KDR: variants seen among roughly 807,000 people sequenced by gnomAD.
KDR encodes the protein vascular endothelial growth factor receptor 2.
KDR carries 43 observed loss-of-function variants against 160.9 expected under a neutral mutation model. The ratio of observed to expected loss-of-function variants is 0.27; its 90% confidence interval spans 0.21 to 0.34. KDR has a LOEUF of 0.34. Ranked by LOEUF, KDR falls within the 10% of genes least tolerant of loss-of-function variation. The pLI, the probability that KDR is intolerant of heterozygous loss-of-function variation, is 1.00. For missense variants in KDR, 1,469 were observed against 1,666.4 expected, an observed-to-expected ratio of 0.88 and a Z score of 2.06; for synonymous variants, 617 against 600.1, an observed-to-expected ratio of 1.03 and a Z score of -0.41.
Position 55,113,403 on chromosome 4 carries a change from T to A in KDR, c.877A>T (p.Thr293Ser), listed in dbSNP as rs548382655. Residue 293 changes from threonine to serine, a missense_variant, in exon 7 of 30, where the codon ACT becomes TCT. Thr to Ser is a moderately conservative substitution (Grantham distance 58). Coordinates refer to ENST00000263923, the MANE Select transcript of KDR (RefSeq NM_002253.4). Reference protein sequence around the residue: ...SEMKKFLSTLTIDGVTRSDQG... With the variant: ...SEMKKFLSTLSIDGVTRSDQG... The stretch of plus-strand genomic sequence containing the variant: ...TCACTCCGGGTTACACCATCTATAG[T>A]TAAGGTGCTCAAAAATTTCTTCATC... 1 of 1,614,048 alleles carries A rather than the reference T, an allele frequency of 6.2e-7. No homozygotes were observed. Among genetic ancestry groups the A allele is most frequent in the Non-Finnish European group, 8.5e-7 (1 of 1,179,968 alleles).
chr4:55,107,252 G>A (rs1228533466), intron 10 of KDR, among the ~76,000 whole-genome samples: 1 of 152,126 alleles, frequency 6.6e-6, no homozygotes, highest in Non-Finnish European at 1.5e-5. Context: ...GTGGTGGGTT[G>A]GCTGCTGTTG....
intron 3 of KDR, among the ~76,000 whole-genome samples, chr4:55,116,452 C>T (rs1720738948): frequency 6.7e-6 from 1 of 149,862 alleles, no homozygotes; most frequent in African/African-American, 2.4e-5. Flanking sequence ...CAAGGCCAAT[C>T]AAACATTACT....
intron 7 of KDR, among the ~76,000 whole-genome samples, chr4:55,111,592 A>G (rs3943404): frequency 6.6e-6 from 1 of 151,886 alleles, no homozygotes; most frequent in Non-Finnish European, 1.5e-5. Context: ...CTCCCAACTG[A>G]CCTCCTTATT....
In KDR at chr4:55,125,452, T is replaced by TG. The variant is rs1267248026; in HGVS notation, c.-160dup. On this transcript the variant is annotated 5_prime_UTR_variant, in exon 1 of 30. It introduces an in-frame stop codon into an upstream open reading frame of the 5' UTR. Coordinates refer to ENST00000263923, the MANE Select transcript of KDR (RefSeq NM_002253.4). ...AGGGAGCCCGGGCGCCGACCGCGGC[T>TG]GCAGGGGCGTCTGCGGGTGCCGGTA... is the stretch of plus-strand genomic sequence containing the variant. 12 of 827,080 alleles carry TG rather than the reference T, an allele frequency of 1.5e-5. No homozygotes were observed. The highest frequency in any genetic ancestry group is 2.1e-5 in the Non-Finnish European group (11 of 521,116). The allele number at this position is 827,080 out of a possible 1,614,324, so 51.2% of individuals were successfully genotyped here.
intron 14 of KDR, 110 bp downstream of exon 14, chr4:55,102,252 G>T: frequency 7.3e-7 from 1 of 1,372,140 alleles, no homozygotes; most frequent in Non-Finnish European, 1.0e-6. Context: ...CCAGGTCATG[G>T]ACACCAATAC....
At chr4:55,099,239 G>A (rs925716347) in intron 15 of KDR, among the ~76,000 whole-genome samples, 4 of 151,894 alleles carry the variant, frequency 2.6e-5, no homozygotes, top group South Asian at 2.1e-4. Context: ...GGCTAGTCTC[G>A]AACTCCTGGC....
In KDR at chr4:55,089,490, AGG is replaced by A. The variant is rs1719953609; in HGVS notation, c.3305-19_3305-18del. The A allele has an allele frequency of 2.5e-6, 4 of 1,573,010 alleles. No homozygotes were observed. The highest frequency in any genetic ancestry group is 3.5e-6 in the Non-Finnish European group (4 of 1,143,530). On this transcript the variant is annotated intron_variant, in intron 24 of 29. Coordinates refer to ENST00000263923, the MANE Select transcript of KDR (RefSeq NM_002253.4). ...GAGAAGCACCTAGAATAAAACAGGG[AGG>A]AGACATTCTTTGATTTGATTTTCTC...
At chr4:55,118,993 G>A (rs1720801556) in intron 2 of KDR, among the ~76,000 whole-genome samples, 193 bp from the exon 3 acceptor site, 1 of 152,214 alleles carries the variant, frequency 6.6e-6, no homozygotes, top group African/African-American at 2.4e-5. Context: ...TGGATCACCT[G>A]AGGCCAGGAG....
chr4:55,123,074 A>G (rs1720936479), intron 1 of KDR, among the ~76,000 whole-genome samples: 1 of 152,158 alleles, frequency 6.6e-6, no homozygotes, highest in African/African-American at 2.4e-5. Flanking sequence ...CCCAGCCTGC[A>G]CAGTACTTTT....
At chr4:55,109,786 TC>T (rs2110026734) in intron 9 of KDR, among the ~76,000 whole-genome samples, 1 of 152,264 alleles carries the variant, frequency 6.6e-6, no homozygotes, top group South Asian at 2.1e-4. Context: ...CCCACTCCAT[TC>T]CAAACACTTA....
At chr4:55,086,896 A>G (rs936130717) in intron 27 of KDR, among the ~76,000 whole-genome samples, 4 of 152,248 alleles carry the variant, frequency 2.6e-5, no homozygotes, top group Non-Finnish European at 4.4e-5. Context: ...TAGGAAAGAA[A>G]CAAAGCAAAA....
rs1051445357 is a variant in KDR at position 55,078,593 on chromosome 4, A to C, written c.*1348T>G. On this transcript the variant is annotated 3_prime_UTR_variant, in exon 30 of 30. Coordinates refer to ENST00000263923, the MANE Select transcript of KDR (RefSeq NM_002253.4). ...ATGTGAATAGTACAAAGTTCATTAT[A>C]TATAAGGCTTTAATATATTACATTT... 1 of 232,680 alleles carries C rather than the reference A, an allele frequency of 4.3e-6. No homozygotes were observed. Among genetic ancestry groups the C allele is most frequent in the Non-Finnish European group, 8.5e-6 (1 of 117,792 alleles). The allele number at this position is 232,680 out of a possible 1,614,324, so 14.4% of individuals were successfully genotyped here.
chr4:55,085,712 T>G (rs1719846348), intron 27 of KDR, among the ~76,000 whole-genome samples: 1 of 152,226 alleles, frequency 6.6e-6, no homozygotes, highest in African/African-American at 2.4e-5. Flanking sequence ...TTTCAAATTA[T>G]GGCTGGATAA....
intron 10 of KDR, 103 bp downstream of exon 10, chr4:55,107,633 CT>C: frequency 3.4e-6 from 5 of 1,481,124 alleles, no homozygotes; most frequent in Admixed American, 1.7e-5. Flanking sequence ...TGAGAGAAAA[CT>C]TTTTTTGGTT....
chr4:55,125,106 C>T (rs990059980), intron 1 of KDR, 121 bp downstream of exon 1: 5 of 936,136 alleles, frequency 5.3e-6, no homozygotes, highest in African/African-American at 4.9e-5. Context: ...AATGAAAGAT[C>T]GCAAAATGTC....
At chr4:55,114,643 G>A (rs1377900069) in intron 5 of KDR, among the ~76,000 whole-genome samples, 2 of 152,102 alleles carry the variant, frequency 1.3e-5, no homozygotes, top group African/African-American at 2.4e-5. Context: ...AATACCATTC[G>A]CTTTCATCCT....
chr4:55,121,186 C>A lies in KDR; in HGVS notation c.72G>T (p.Leu24Phe), dbSNP rs1720865483. 1 of 1,611,576 alleles carries A rather than the reference C, an allele frequency of 6.2e-7. No individual in the cohort carries two copies. Among genetic ancestry groups the A allele is most frequent in the Non-Finnish European group, 8.5e-7 (1 of 1,177,846 alleles). ...CVETRAASVG[L>F]PSVSLDLPRL... ...TGGGCAGATCAAGAGAAACACTAGG[C>A]AAACCTAGAAACAAATTAAATAAAT... is the stretch of plus-strand genomic sequence containing the variant. Residue 24 changes from leucine (L) to phenylalanine (F), a missense_variant, in exon 2 of 30, where the codon TTG (leucine) becomes TTT (phenylalanine). Leu to Phe is a conservative substitution (Grantham distance 22). Around this residue, in one of 7 missense-constraint regions of KDR, gnomAD observed 792 missense variants for 840.9 expected, o/e 0.94. Transcript: ENST00000263923.
chr4:55,079,804 C>T lies in KDR; in HGVS notation c.*137G>A. On this transcript the variant is annotated 3_prime_UTR_variant, in exon 30 of 30. Transcript: ENST00000263923. The stretch of plus-strand genomic sequence containing the variant: ...ATATGCCTAGAAGACTGGCTCCCTG[C>T]AGTCCGAGGTCCTTTTTCTGTTGTC... 1 of 772,806 alleles carries T rather than the reference C, an allele frequency of 1.3e-6. No homozygotes were observed. 47.9% of individuals were successfully genotyped at this position (772,806 alleles called of 1,614,324 possible). A position where few individuals can be genotyped will look rare whatever the true frequency, so the allele number is the denominator to read the frequency against.
intron 1 of KDR, among the ~76,000 whole-genome samples, chr4:55,124,130 C>T (rs1454106792): frequency 6.6e-6 from 1 of 152,114 alleles, no homozygotes; most frequent in South Asian, 2.1e-4. Context: ...GACAGATGAT[C>T]CTGGTACTGT....
Sources: gnomAD v4.1 joint callset for allele counts (sites outside exome capture counted in the v4.1 genomes callset) on GRCh38, gnomAD v4.1.1 for gene constraint, gnomAD v4.1.1 regional missense constraint, MANE v1.5 for transcripts, NCBI Gene and HGNC (gene_info 2026-07-23, HGNC 2026-07-21) for gene names.